SLC25A21: variants seen among roughly 807,000 people sequenced by gnomAD.
The protein encoded by SLC25A21 is solute carrier family 25 member 21.
In SLC25A21, 47 loss-of-function variants were observed where a neutral mutation model predicts 43.8. The ratio of observed to expected loss-of-function variants is 1.07; its 90% CI spans 0.85 to 1.37. The LOEUF is 1.37. Among genes scored for constraint, SLC25A21 ranks in the 40% most tolerant of loss-of-function variants. The probability of loss-of-function intolerance (pLI) is 0.00; values close to 1 mark genes in which losing one functional copy is unlikely to be tolerated. For missense variants in SLC25A21, 352 were observed against 350.2 expected (o/e 1.00, Z -0.04); for synonymous variants, 131 against 121.3 (o/e 1.08, Z -0.52).
chr14:36,682,343 T>A (rs1421030381), intron 9 of SLC25A21, among the ~76,000 whole-genome samples: 1 of 152,160 alleles, frequency 6.6e-6, no homozygotes, highest in Non-Finnish European at 1.5e-5. Flanking sequence ...GGTTCCCAGA[T>A]ATTCACAGTT....
chr14:36,867,116 T>C (rs952689038), intron 2 of SLC25A21, among the ~76,000 whole-genome samples: 2 of 152,050 alleles, frequency 1.3e-5, no homozygotes, highest in African/African-American at 4.8e-5. Flanking sequence ...CTCTCCCCAC[T>C]TAGTCCACCC....
At chr14:37,044,534 G>A (rs564945291) in intron 1 of SLC25A21, among the ~76,000 whole-genome samples, 52 of 152,150 alleles carry the variant, frequency 3.4e-4, no homozygotes, top group African/African-American at 1.1e-3. Flanking sequence ...CATATTTTAG[G>A]AATAATATCA....
At chr14:37,027,423 G>A (rs1961116311) in intron 1 of SLC25A21, among the ~76,000 whole-genome samples, 1 of 152,140 alleles carries the variant, frequency 6.6e-6, no homozygotes, top group African/African-American at 2.4e-5. Context: ...GACCTCAGAA[G>A]ACTATTCTTA....
chr14:36,844,138 C>G (rs866018827), intron 2 of SLC25A21, among the ~76,000 whole-genome samples: 22 of 152,292 alleles, frequency 1.4e-4, no homozygotes, highest in African/African-American at 4.3e-4. Flanking sequence ...GACTTTAACA[C>G]GCTACAGTAC....
rs1391691856 is a variant in SLC25A21 at position 37,012,904 on chromosome 14, A to G, written c.71-137900T>C. Among the ~76,000 whole-genome samples the G allele has an allele frequency of 2.6e-5, 4 of 152,194 alleles. No individual in the cohort carries two copies. In the East Asian group the frequency reaches 7.7e-4, roughly 29 times the overall value. ...ATTTGATCATAAATAGTCTCCAAAG[A>G]AGGCCAGTGTGTTTTGGGGACACAC... On this transcript the variant is annotated intron_variant, in intron 1 of 9. Coordinates refer to ENST00000331299, the MANE Select transcript of SLC25A21 (RefSeq NM_030631.4).
At chr14:36,950,139 G>C (rs1892772421) in intron 1 of SLC25A21, among the ~76,000 whole-genome samples, 1 of 152,146 alleles carries the variant, frequency 6.6e-6, no homozygotes, top group Admixed American at 6.5e-5. Flanking sequence ...CTTGAACCAT[G>C]TAATTTGTCG....
At chr14:37,051,032 T>G (rs923296869) in intron 1 of SLC25A21, among the ~76,000 whole-genome samples, 1 of 152,206 alleles carries the variant, frequency 6.6e-6, no homozygotes, top group African/African-American at 2.4e-5. Flanking sequence ...CTCTATCTTT[T>G]TCCATTGGCC....
At chr14:37,059,128 A>G (rs1341829426) in intron 1 of SLC25A21, among the ~76,000 whole-genome samples, 2 of 152,238 alleles carry the variant, frequency 1.3e-5, no homozygotes, top group Non-Finnish European at 2.9e-5. Flanking sequence ...TTTGTATCTA[A>G]CACAAGTGCC....
chr14:37,063,062 G>T (rs1460482154), intron 1 of SLC25A21, among the ~76,000 whole-genome samples: 2 of 152,156 alleles, frequency 1.3e-5, no homozygotes, highest in Admixed American at 6.5e-5. Flanking sequence ...CCCAGCAAAG[G>T]GGGAAGCCCC....
intron 3 of SLC25A21, among the ~76,000 whole-genome samples, chr14:36,803,072 T>C (rs1594601661): frequency 6.6e-6 from 1 of 152,166 alleles, no homozygotes; most frequent in South Asian, 2.1e-4. Flanking sequence ...TGTCAAATCA[T>C]TGTAAAGAGT....
At chr14:36,825,745 T>G (rs551157973) in intron 2 of SLC25A21, among the ~76,000 whole-genome samples, 1 of 152,238 alleles carries the variant, frequency 6.6e-6, no homozygotes, top group Admixed American at 6.5e-5. Context: ...GAAACCTAGG[T>G]TTCCTAAAAT....
chr14:37,107,918 C>T (rs1056516979), intron 1 of SLC25A21, among the ~76,000 whole-genome samples: 4 of 152,134 alleles, frequency 2.6e-5, no homozygotes, highest in African/African-American at 9.7e-5. Context: ...TGAGACAGTT[C>T]CAGTTTATGC....
chr14:37,113,308 T>A (rs77783385), intron 1 of SLC25A21, among the ~76,000 whole-genome samples: 4,171 of 152,272 alleles, frequency 0.027, 195 homozygotes, highest in African/African-American at 0.095. Flanking sequence ...GGATTTGGCA[T>A]GGAATTGATT....
At chr14:36,764,113 AAAG>A in intron 3 of SLC25A21, among the ~76,000 whole-genome samples, 1 of 58,252 alleles carries the variant, frequency 1.7e-5, no homozygotes, top group Non-Finnish European at 3.1e-5. Context: ...GGAAGGAAGG[AAAG>A]AAGGAAAGAA....
At chr14:36,790,412 G>C (rs2138398902) in intron 3 of SLC25A21, among the ~76,000 whole-genome samples, 1 of 152,080 alleles carries the variant, frequency 6.6e-6, no homozygotes, top group Admixed American at 6.6e-5. Context: ...GCTCTTGCCA[G>C]GTAAAATGCT....
chr14:36,917,997 T>C (rs1891876859), intron 1 of SLC25A21, among the ~76,000 whole-genome samples: 1 of 152,162 alleles, frequency 6.6e-6, no homozygotes, highest in African/African-American at 2.4e-5. Flanking sequence ...TCTAGGTATG[T>C]GATTTAGCAT....
At position 36,709,025 on chromosome 14, in the gene SLC25A21, T is replaced by C. The variant is rs1294889480; in HGVS notation, c.603+2293A>G. On this transcript the variant is annotated intron_variant, in intron 7 of 9. Transcript: ENST00000331299. Reference sequence around the variant, plus strand: ...ATTAATCTTTTTTTTTTTGTTTTTTTGAGATGGAGGCTCGCTCTGTTGCCC... The same window carrying C: ...ATTAATCTTTTTTTTTTTGTTTTTTCGAGATGGAGGCTCGCTCTGTTGCCC... 2.0e-5 allele frequency among the ~76,000 whole-genome samples: 3 copies of C among 151,868 alleles called. No homozygotes were observed. In the East Asian group the frequency reaches 5.8e-4, roughly 30 times the overall value.
chr14:37,083,941 G>A lies in SLC25A21; in HGVS notation c.70+88340C>T, dbSNP rs566453929. On this transcript the variant is annotated intron_variant, in intron 1 of 9. Transcript: ENST00000331299. ...ATAAATGCATTTAGCCATCATCACC[G>A]TTGACTTTTTGGTCGAATTCTATGG... is the stretch of plus-strand genomic sequence containing the variant. 5.3e-5 allele frequency among the ~76,000 whole-genome samples: 8 copies of A among 152,246 alleles called. No individual in the cohort carries two copies. The South Asian group carries it at 8.3e-4, about 16-fold the overall frequency.
intron 6 of SLC25A21, among the ~76,000 whole-genome samples, chr14:36,717,529 C>T (rs1248907213): frequency 6.6e-6 from 1 of 152,188 alleles, no homozygotes; most frequent in Non-Finnish European, 1.5e-5. Flanking sequence ...TGGAGGAGCA[C>T]GGCACCCTGC....
Sources: gnomAD v4.1 joint callset for allele counts (sites outside exome capture counted in the v4.1 genomes callset) on GRCh38, gnomAD v4.1.1 for gene constraint, MANE v1.5 for transcripts, NCBI Gene and HGNC (gene_info 2026-07-23, HGNC 2026-07-21) for gene names.